Variants in ARNT2 observed in about 807,000 individuals in gnomAD.
ARNT2 encodes ARNT protein 2.
Under a neutral mutation model 91.7 loss-of-function variants are expected in ARNT2, and 36 were observed. The observed-to-expected ratio is 0.39, with a 90% CI of 0.30 to 0.52. ARNT2 has a LOEUF of 0.52. Among genes scored for constraint, ARNT2 ranks in the 20% least tolerant of loss-of-function variants. ARNT2 has a pLI of 0.72. For synonymous variants in ARNT2, 365 were observed against 347.1 expected, an observed-to-expected ratio of 1.05 and a Z score of -0.57; for missense variants, 775 against 939.3, an observed-to-expected ratio of 0.83 and a Z score of 2.29.
At chr15:80,503,844 A>G (rs1457932761) in intron 5 of ARNT2, among the ~76,000 whole-genome samples, 2 of 152,244 alleles carry the variant, frequency 1.3e-5, no homozygotes, top group African/African-American at 4.8e-5. Context: ...TGTACGTACC[A>G]GTAGTCAGCA....
chr15:80,578,347 G>T (rs1477870385), intron 15 of ARNT2, among the ~76,000 whole-genome samples: 1 of 152,116 alleles, frequency 6.6e-6, no homozygotes, highest in Non-Finnish European at 1.5e-5. Context: ...GGTGTGCTGA[G>T]TGAAGCCTTG....
At chr15:80,524,238 A>C (rs1000782781) in intron 8 of ARNT2, among the ~76,000 whole-genome samples, 4 of 152,218 alleles carry the variant, frequency 2.6e-5, no homozygotes, top group African/African-American at 9.6e-5. Flanking sequence ...AAAAAATAGA[A>C]AAGACAAAAT....
At chr15:80,426,961 C>A (rs552466994) in intron 1 of ARNT2, among the ~76,000 whole-genome samples, 3 of 152,242 alleles carry the variant, frequency 2.0e-5, no homozygotes, top group African/African-American at 7.2e-5. Flanking sequence ...TTCTTTTCAT[C>A]CTATCATGGA....
At chr15:80,540,505 A>G (rs1897888490) in intron 8 of ARNT2, among the ~76,000 whole-genome samples, 1 of 152,002 alleles carries the variant, frequency 6.6e-6, no homozygotes, top group South Asian at 2.1e-4. Context: ...TTGTAATTTC[A>G]ATTTTTATTT....
intron 8 of ARNT2, among the ~76,000 whole-genome samples, chr15:80,539,150 CA>C (rs957648115): frequency 6.6e-6 from 1 of 151,910 alleles, no homozygotes; most frequent in Admixed American, 6.6e-5. Flanking sequence ...ACTTCCAGAG[CA>C]TGAGAAAAGT....
chr15:80,405,496 C>T (rs1333196597), intron 1 of ARNT2, among the ~76,000 whole-genome samples: 1 of 151,834 alleles, frequency 6.6e-6, no homozygotes, highest in Non-Finnish European at 1.5e-5. Flanking sequence ...TAGGGAGGGT[C>T]GGGGGAGGAA....
chr15:80,460,867 G>A (rs1487250317), intron 3 of ARNT2, among the ~76,000 whole-genome samples: 1 of 152,182 alleles, frequency 6.6e-6, no homozygotes, highest in African/African-American at 2.4e-5. Context: ...CAGGAGTGAC[G>A]CTGGGGAGAG....
intron 12 of ARNT2, among the ~76,000 whole-genome samples, chr15:80,570,135 C>T (rs4778822): frequency 0.084 from 12,784 of 152,294 alleles, 1,646 homozygotes; most frequent in African/African-American, 0.28. Context: ...GACCGCAAGG[C>T]CAACAGCCAG....
At chr15:80,423,547 A>T (rs1238493251) in intron 1 of ARNT2, among the ~76,000 whole-genome samples, 1 of 152,230 alleles carries the variant, frequency 6.6e-6, no homozygotes, top group Non-Finnish European at 1.5e-5. Flanking sequence ...AGCTATATGT[A>T]TCTTCCTGAA....
chr15:80,485,540 G>A (rs1407825814), intron 5 of ARNT2, among the ~76,000 whole-genome samples: 1 of 152,182 alleles, frequency 6.6e-6, no homozygotes, highest in South Asian at 2.1e-4. Context: ...TGTTGTGGAG[G>A]AAAAGGCCAG....
At chr15:80,592,485 G>T (rs1157442465) in intron 18 of ARNT2, among the ~76,000 whole-genome samples, 1 of 152,222 alleles carries the variant, frequency 6.6e-6, no homozygotes, top group Non-Finnish European at 1.5e-5. Context: ...AATGATAGGG[G>T]CAGGAACCAC....
At chr15:80,527,079 G>A (rs1375346407) in intron 8 of ARNT2, among the ~76,000 whole-genome samples, 1 of 152,324 alleles carries the variant, frequency 6.6e-6, no homozygotes, top group African/African-American at 2.4e-5. Context: ...TGATGAGATG[G>A]AGAGTGATGA....
At chr15:80,516,828 A>AATATATATAT (rs56146872) in intron 8 of ARNT2, among the ~76,000 whole-genome samples, 1,950 of 74,724 alleles carry the variant, frequency 0.026, 109 homozygotes, top group South Asian at 0.075. Flanking sequence ...TACAATTACA[A>AATATATATAT]ATATATATAT....
At chr15:80,527,753 C>T (rs1352792736) in intron 8 of ARNT2, among the ~76,000 whole-genome samples, 1 of 152,198 alleles carries the variant, frequency 6.6e-6, no homozygotes, top group Non-Finnish European at 1.5e-5. Flanking sequence ...GGTTGGGTTG[C>T]AAAACTAGGC....
chr15:80,562,513 C>T (rs4074666), intron 11 of ARNT2, among the ~76,000 whole-genome samples: 54,378 of 151,994 alleles, frequency 0.36, 10,752 homozygotes, highest in Non-Finnish European at 0.45. Context: ...AATCATATTA[C>T]AACATCAAAG....
intron 6 of ARNT2, among the ~76,000 whole-genome samples, chr15:80,508,516 C>T (rs1387510434): frequency 1.3e-5 from 2 of 152,186 alleles, no homozygotes; most frequent in Non-Finnish European, 2.9e-5. Flanking sequence ...CTCTTGTCCA[C>T]TGTATCACTC....
chr15:80,572,267 A>C (rs1386565817), intron 12 of ARNT2, among the ~76,000 whole-genome samples: 1 of 152,026 alleles, frequency 6.6e-6, no homozygotes, highest in Non-Finnish European at 1.5e-5. Flanking sequence ...GTGGCCACAC[A>C]CCACCTTCTC....
At chr15:80,583,154 G>A (rs1364823962) in intron 17 of ARNT2, among the ~76,000 whole-genome samples, 2 of 152,260 alleles carry the variant, frequency 1.3e-5, no homozygotes, top group Non-Finnish European at 2.9e-5. Context: ...AGGCAGGCAG[G>A]ACAGTCTGCA....
chr15:80,441,378 G>C (rs1896108329), intron 1 of ARNT2: 1 of 985,148 alleles, frequency 1.0e-6, no homozygotes, highest in South Asian at 4.7e-5. Context: ...CCTCTGAAAA[G>C]GTAGGGCTGT....
Sources: allele counts gnomAD v4.1 joint callset (sites outside exome capture counted in the v4.1 genomes callset), GRCh38; gene constraint gnomAD v4.1.1; transcripts MANE v1.5; gene names NCBI Gene and HGNC (gene_info 2026-07-23, HGNC 2026-07-21).